SP8: variants seen among roughly 807,000 people sequenced by gnomAD.
SP8 encodes Sp8 transcription factor, also known as transcription factor Sp8.
SP8 carries 7 observed loss-of-function variants against 15.3 expected under a neutral mutation model. The ratio of observed to expected loss-of-function variants is 0.46; its 90% CI spans 0.26 to 0.86. The LOEUF is 0.86. SP8 is among the 40% of genes least tolerant of loss of function. SP8 has a pLI of 0.16. For synonymous variants in SP8, 415 were observed against 356.3 expected, an observed-to-expected ratio of 1.16 and a Z score of -1.86; for missense variants, 731 against 736.4, an observed-to-expected ratio of 0.99 and a Z score of 0.09.
Position 20,785,179 on chromosome 7 carries a change from C to T in SP8, c.638G>A (p.Gly213Asp). Residue 213 changes from glycine (G) to aspartate (D), a missense_variant, in exon 2 of 2, where the codon GGC becomes GAC. Physicochemically the swap from Gly to Asp is moderately conservative, Grantham distance 94. Around this residue, in one of 3 missense-constraint regions of SP8, gnomAD observed 586 missense variants for 524.9 expected, o/e 1.12. Coordinates refer to ENST00000418710, the MANE Select transcript of SP8 (RefSeq NM_182700.6). This position sits in a 1 kb window ranked among gnomAD's most constrained non-coding sequence, Gnocchi z 7.2. The stretch of plus-strand genomic sequence containing the variant: ...GCCCACCTCGCCCGCAGCACCCAGG[C>T]CCGGGTGCGAGGGCTTAAACCACGA... ...YESWFKPSHP[G>D]LGAAGEVGSA... is the part of the protein sequence containing the mutation. The T allele has an allele frequency of 1.3e-6, 2 of 1,598,932 alleles. No homozygotes were observed. The highest frequency in any genetic ancestry group is 1.7e-6 in the Non-Finnish European group (2 of 1,174,366).
chr7:20,782,427 A>T lies in SP8; in HGVS notation c.*1863T>A, dbSNP rs1783524815. On this transcript the variant is annotated 3_prime_UTR_variant, in exon 2 of 2. Coordinates refer to ENST00000418710, the MANE Select transcript of SP8 (RefSeq NM_182700.6). Reference sequence around the variant, plus strand: ...TCCAAATTATTTCAACATTACAATGAGCAATTAGTTTGCAGAATCTGCAAA... The same window carrying T: ...TCCAAATTATTTCAACATTACAATGTGCAATTAGTTTGCAGAATCTGCAAA... The T allele has an allele frequency of 6.5e-6, 1 of 152,690 alleles. No individual in the cohort carries two copies. The allele number at this position is 152,690 out of a possible 1,614,324, so 9.5% of individuals were successfully genotyped here. A position where few individuals can be genotyped will look rare whatever the true frequency, so the allele number is the denominator to read the frequency against.
In SP8 at chr7:20,784,960, G is replaced by C; in HGVS notation, c.857C>G (p.Ser286Cys). 6.4e-7 allele frequency: 1 copy of C among 1,562,728 alleles called. No homozygotes were observed. Among genetic ancestry groups the C allele is most frequent in the Non-Finnish European group, 8.6e-7 (1 of 1,161,354 alleles). ...LSHSAFSSGA[S>C]SHLLSPAGQH... Reference sequence around the variant, plus strand: ...CCCGGCGGGGCTGAGCAGGTGCGAGGAGGCGCCGCTGCTGAAGGCCGAGTG... The same window carrying C: ...CCCGGCGGGGCTGAGCAGGTGCGAGCAGGCGCCGCTGCTGAAGGCCGAGTG... Residue 286 changes from serine to cysteine, a missense_variant, in exon 2 of 2, where the codon TCC (serine) becomes TGC (cysteine). This residue lies in a region of SP8 where 586 missense variants were observed against 524.9 expected (regional missense o/e 1.12). Coordinates refer to ENST00000418710, the MANE Select transcript of SP8 (RefSeq NM_182700.6).
Position 20,784,476 on chromosome 7 carries a change from G to C in SP8, c.1341C>G (p.Asp447Glu). Residue 447 changes from aspartate (D) to glutamate (E), a missense_variant, in exon 2 of 2, where the codon GAC becomes GAG. By Grantham distance (45) the Asp-to-Glu change is conservative. Around this residue, in one of 3 missense-constraint regions of SP8, gnomAD observed 114 missense variants for 111.9 expected, o/e 1.02. Coordinates refer to ENST00000418710, the MANE Select transcript of SP8 (RefSeq NM_182700.6). ...PVCNKRFMRS[D>E]HLSKHVKTHS... is the part of the protein sequence containing the mutation. ...GCGTCTTCACGTGCTTGCTGAGGTG[G>C]TCGCTGCGCATGAAGCGCTTGTTGC... is the stretch of plus-strand genomic sequence containing the variant. 1 of 1,551,372 alleles carries C rather than the reference G, an allele frequency of 6.4e-7. No homozygotes were observed. Among genetic ancestry groups the C allele is most frequent in the Non-Finnish European group, 8.7e-7 (1 of 1,149,036 alleles).
At position 20,786,019 on chromosome 7, in the gene SP8, G is replaced by T. The variant is rs1488079531; in HGVS notation, c.22-224C>A. The T allele has an allele frequency of 2.1e-6, 3 of 1,401,286 alleles. No homozygotes were observed. Among genetic ancestry groups the T allele is most frequent in the Non-Finnish European group, 2.8e-6 (3 of 1,079,770 alleles). The allele number at this position is 1,401,286 out of a possible 1,614,324, so 86.8% of individuals were successfully genotyped here. ...GGAGGGGACAAGTTTGGCTGCCGGC[G>T]TCTGATTCGGGAGCAAGCACCACGC... On this transcript the variant is annotated intron_variant, in intron 1 of 1. Coordinates refer to ENST00000418710, the MANE Select transcript of SP8 (RefSeq NM_182700.6). The surrounding 1 kb of genome is among the most constrained non-coding windows in gnomAD (Gnocchi z 4.4).
chr7:20,785,334 G>C lies in SP8; in HGVS notation c.483C>G (p.Gly161=), dbSNP rs1286474774. Residue 161 remains glycine (G), a synonymous_variant, in exon 2 of 2, where the codon GGC becomes GGG. Coordinates refer to ENST00000418710, the MANE Select transcript of SP8 (RefSeq NM_182700.6). The surrounding 1 kb of genome is among the most constrained non-coding windows in gnomAD (Gnocchi z 7.2). Reference sequence around the variant, plus strand: ...AGTGCGCGGAGGAGCCGCCGCCGCCGCCCCCGCCGCCGCCGCCGCTGCCCC... The same window carrying C: ...AGTGCGCGGAGGAGCCGCCGCCGCCCCCCCCGCCGCCGCCGCCGCTGCCCC... ...VSGGSGGGGG[G]GGGGSSAHSQ... is the part of the protein sequence containing the mutation. 93 of 1,324,658 alleles carry C rather than the reference G, an allele frequency of 7.0e-5. No homozygotes were observed. Among genetic ancestry groups the C allele is most frequent in the Non-Finnish European group, 9.1e-5 (89 of 982,384 alleles). The allele number at this position is 1,324,658 out of a possible 1,614,324, so 82.1% of individuals were successfully genotyped here. A position where few individuals can be genotyped will look rare whatever the true frequency, so the allele number is the denominator to read the frequency against.
In SP8 at chr7:20,784,738, C is replaced by G; in HGVS notation, c.1079G>C (p.Arg360Pro). 6.3e-7 allele frequency: 1 copy of G among 1,590,236 alleles called. No homozygotes were observed. Among genetic ancestry groups the G allele is most frequent in the Non-Finnish European group, 8.5e-7 (1 of 1,172,976 alleles). Residue 360 changes from arginine (R) to proline (P), a missense_variant, in exon 2 of 2, where the codon CGG becomes CCG. Arg to Pro is a moderately radical substitution (Grantham distance 103). This residue lies in a region of SP8 where 586 missense variants were observed against 524.9 expected (regional missense o/e 1.12). Coordinates refer to ENST00000418710, the MANE Select transcript of SP8 (RefSeq NM_182700.6). ...CDCPNCQEAE[R>P]LGPAGASLRR... ...CAAGCTCGCCCCGGCAGGGCCCAGC[C>G]GCTCTGCCTCCTGGCAGTTGGGGCA...
In SP8 at chr7:20,786,820, T is replaced by G; in HGVS notation, c.-22A>C. The G allele has an allele frequency of 6.3e-7, 1 of 1,598,510 alleles. No individual in the cohort carries two copies. The highest frequency in any genetic ancestry group is 8.6e-7 in the Non-Finnish European group (1 of 1,165,776). ...CCATCACACAAAAGTGCCCTCCTCC[T>G]CTCAGAGGATCTTTTTTATATTGAT... On this transcript the variant is annotated 5_prime_UTR_variant, in exon 1 of 2. Coordinates refer to ENST00000418710, the MANE Select transcript of SP8 (RefSeq NM_182700.6). This position sits in a 1 kb window ranked among gnomAD's most constrained non-coding sequence, Gnocchi z 4.4.
At position 20,784,115 on chromosome 7, in the gene SP8, T is replaced by C; in HGVS notation, c.*175A>G. On this transcript the variant is annotated 3_prime_UTR_variant, in exon 2 of 2. Transcript: ENST00000418710. ...GCGATGCGTGTTACTTACTTGTCCA[T>C]ATCCCCTTTACAAAGTTAAGTCACA... 1.7e-6 allele frequency: 1 copy of C among 582,478 alleles called. No homozygotes were observed. Among genetic ancestry groups the C allele is most frequent in the Non-Finnish European group, 2.7e-6 (1 of 367,392 alleles). The allele number at this position is 582,478 out of a possible 1,614,324, so 36.1% of individuals were successfully genotyped here. A position where few individuals can be genotyped will look rare whatever the true frequency, so the allele number is the denominator to read the frequency against.
Position 20,784,177 on chromosome 7 carries a change from C to T in SP8, c.*113G>A. 4 of 961,280 alleles carry T rather than the reference C, an allele frequency of 4.2e-6. No homozygotes were observed. The highest frequency in any genetic ancestry group is 4.3e-6 in the Non-Finnish European group (3 of 703,664). 59.5% of individuals were successfully genotyped at this position (961,280 alleles called of 1,614,324 possible). A position where few individuals can be genotyped will look rare whatever the true frequency, so the allele number is the denominator to read the frequency against. On this transcript the variant is annotated 3_prime_UTR_variant, in exon 2 of 2. Transcript: ENST00000418710. ...GAAGAGGGGCAGAAACAGAAAGAGA[C>T]AGAGAGCGAGTCGGATGCAATAGGG...
In SP8 at chr7:20,784,214, T is replaced by C. The variant is rs1400669606; in HGVS notation, c.*76A>G. 3.9e-6 allele frequency: 5 copies of C among 1,266,446 alleles called. No individual in the cohort carries two copies. In the South Asian group the frequency reaches 7.4e-5, roughly 19 times the overall value. 78.5% of individuals were successfully genotyped at this position (1,266,446 alleles called of 1,614,324 possible). A position where few individuals can be genotyped will look rare whatever the true frequency, so the allele number is the denominator to read the frequency against. On this transcript the variant is annotated 3_prime_UTR_variant, in exon 2 of 2. Transcript: ENST00000418710. Reference sequence around the variant, plus strand: ...CGGATGCAATAGGGAAAGGCTGGAGTTGAAGTCCGGACAGACAGGGCCCAA... The same window carrying C: ...CGGATGCAATAGGGAAAGGCTGGAGCTGAAGTCCGGACAGACAGGGCCCAA...
In SP8 at chr7:20,784,800, G is replaced by A. The variant is rs1271098833; in HGVS notation, c.1017C>T (p.Ser339=). The change falls in exon 2 of 2, where the codon TCC becomes TCT. Residue 339 remains serine, a synonymous_variant. Transcript: ENST00000418710. ...PSAPLGGSPR[S]SARRYSGRAT... ...CGCGGCCGGAGTAGCGGCGAGCTGAGGAGCGCGGGGAGCCCCCCAGCGGCG... is the reference window on the plus strand; with the variant it reads ...CGCGGCCGGAGTAGCGGCGAGCTGAAGAGCGCGGGGAGCCCCCCAGCGGCG... 1 of 1,530,740 alleles carries A rather than the reference G, an allele frequency of 6.5e-7. No individual in the cohort carries two copies. 94.8% of individuals were successfully genotyped at this position (1,530,740 alleles called of 1,614,324 possible).
Position 20,785,620 on chromosome 7 carries a change from C to G in SP8, c.197G>C (p.Gly66Ala). The G allele has an allele frequency of 6.3e-7, 1 of 1,599,276 alleles. No individual in the cohort carries two copies. The highest frequency in any genetic ancestry group is 8.5e-7 in the Non-Finnish European group (1 of 1,170,852). ...SSSSASCNVV[G>A]SSLSSFGVSG... The stretch of plus-strand genomic sequence containing the variant: ...CACGCCGAAGCTTGAGAGACTGGAA[C>G]CCACTACGTTGCAGCTGGCGGAAGA... Residue 66 changes from glycine (G) to alanine (A), a missense_variant, in exon 2 of 2, where the codon GGT (glycine) becomes GCT (alanine). Gly to Ala is a moderately conservative substitution (Grantham distance 60). This residue lies in a region of SP8 where 586 missense variants were observed against 524.9 expected (regional missense o/e 1.12). Transcript: ENST00000418710. The surrounding 1 kb of genome is among the most constrained non-coding windows in gnomAD (Gnocchi z 7.2).
In SP8 at chr7:20,786,855, GC is replaced by G; in HGVS notation, c.-58del. The G allele has an allele frequency of 6.9e-7, 1 of 1,444,056 alleles. No homozygotes were observed. The highest frequency in any genetic ancestry group is 9.8e-7 in the Non-Finnish European group (1 of 1,024,620). The allele number at this position is 1,444,056 out of a possible 1,614,324, so 89.5% of individuals were successfully genotyped here. On this transcript the variant is annotated 5_prime_UTR_variant, in exon 1 of 2. Transcript: ENST00000418710. The surrounding 1 kb of genome is among the most constrained non-coding windows in gnomAD (Gnocchi z 4.4). Reference sequence around the variant, plus strand: ...TCTTTTTTATATTGATAAATCAGAGGCAGTGTTTTTTTTAGAGGTGTGCAAT... The same window carrying G: ...TCTTTTTTATATTGATAAATCAGAGGAGTGTTTTTTTTAGAGGTGTGCAAT...
rs2128063870 is a variant in SP8 at position 20,785,563 on chromosome 7, G to A, written c.254C>T (p.Ser85Leu). The change falls in exon 2 of 2, where the codon TCG becomes TTG. Residue 85 changes from serine to leucine, a missense_variant. Coordinates refer to ENST00000418710, the MANE Select transcript of SP8 (RefSeq NM_182700.6). This position sits in a 1 kb window ranked among gnomAD's most constrained non-coding sequence, Gnocchi z 7.2. ...SGASRNGGSS[S>L]AAAAAAAAAA... ...TGCTGCCGCGGCCGCCGCAGCCGCC[G>A]AGGACGAGCCGCCGTTCCTGGAGGC... The A allele has an allele frequency of 7.4e-7, 1 of 1,352,518 alleles. No individual in the cohort carries two copies. Among genetic ancestry groups the A allele is most frequent in the Non-Finnish European group, 9.8e-7 (1 of 1,019,470 alleles). The allele number at this position is 1,352,518 out of a possible 1,614,324, so 83.8% of individuals were successfully genotyped here. A position where few individuals can be genotyped will look rare whatever the true frequency, so the allele number is the denominator to read the frequency against.
At position 20,785,148 on chromosome 7, in the gene SP8, G is replaced by A; in HGVS notation, c.669C>T (p.Ala223=). The A allele has an allele frequency of 2.5e-6, 4 of 1,592,852 alleles. No homozygotes were observed. The highest frequency in any genetic ancestry group is 1.1e-5 in the South Asian group (1 of 88,914). The change falls in exon 2 of 2, where the codon GCC becomes GCT. Residue 223 remains alanine, a synonymous_variant. Transcript: ENST00000418710. This position sits in a 1 kb window ranked among gnomAD's most constrained non-coding sequence, Gnocchi z 7.2. ...GLGAAGEVGS[A]GASSWWDVGA... The stretch of plus-strand genomic sequence containing the variant: ...CCACGTCCCACCAGCTGGAGGCGCC[G>A]GCCGAGCCCACCTCGCCCGCAGCAC...
rs762907472 is a variant in SP8, at chr7:20,785,293, T to G, written c.524A>C (p.His175Pro). ...GSSAHSQDGS[H>P]QPVFISKVHT... ...CACCTTGGAGATGAACACCGGCTGG[T>G]GGGAGCCGTCCTGCGAGTGCGCGGA... The change falls in exon 2 of 2, where the codon CAC (histidine) becomes CCC (proline). Residue 175 changes from histidine to proline, a missense_variant. His to Pro is a moderately conservative substitution (Grantham distance 77). Coordinates refer to ENST00000418710, the MANE Select transcript of SP8 (RefSeq NM_182700.6). This position sits in a 1 kb window ranked among gnomAD's most constrained non-coding sequence, Gnocchi z 7.2. 1.3e-6 allele frequency: 2 copies of G among 1,553,796 alleles called. No homozygotes were observed. The highest frequency in any genetic ancestry group is 1.9e-5 in the Admixed American group (1 of 52,490).
rs1783541735 is a variant in SP8 at position 20,783,061 on chromosome 7, C to T, written c.*1229G>A. 1 of 152,362 alleles carries T rather than the reference C, an allele frequency of 6.6e-6. No individual in the cohort carries two copies. The highest frequency in any genetic ancestry group is 2.4e-5 in the African/African-American group (1 of 41,436). 9.4% of individuals were successfully genotyped at this position (152,362 alleles called of 1,614,324 possible). A position where few individuals can be genotyped will look rare whatever the true frequency, so the allele number is the denominator to read the frequency against. On this transcript the variant is annotated 3_prime_UTR_variant, in exon 2 of 2. Coordinates refer to ENST00000418710, the MANE Select transcript of SP8 (RefSeq NM_182700.6). Reference sequence around the variant, plus strand: ...TTACAAAGGTTCTTTTTTATTTTCCCTCTTTTGGTATTTAAACTACAGCCT... The same window carrying T: ...TTACAAAGGTTCTTTTTTATTTTCCTTCTTTTGGTATTTAAACTACAGCCT...
Position 20,785,652 on chromosome 7 carries a change from C to T in SP8, c.165G>A (p.Ser55=), listed in dbSNP as rs145875827. ...CGTTGCAGCTGGCGGAAGAAGAGGA[C>T]GAGGAGCGTTTCCAGGGGTGGAAGC... is the stretch of plus-strand genomic sequence containing the variant. ...GKGFHPWKRS[S]SSSSASCNVV... Residue 55 remains serine (S), a synonymous_variant, in exon 2 of 2, where the codon TCG becomes TCA. Transcript: ENST00000418710. This position sits in a 1 kb window ranked among gnomAD's most constrained non-coding sequence, Gnocchi z 7.2. 1.8e-4 allele frequency: 287 copies of T among 1,613,540 alleles called. 1 individual carries two copies. The highest frequency in any genetic ancestry group is 2.2e-4 in the Non-Finnish European group (264 of 1,179,924).
Position 20,784,524 on chromosome 7 carries a change from C to T in SP8, c.1293G>A (p.Glu431=). The stretch of plus-strand genomic sequence containing the variant: ...TGCAAACTGGACAGGCGAAGCGCTT[C>T]TCGCCGGTGTGGGTCCGCAGGTGCC... The part of the protein sequence containing the change: ...LQRHLRTHTG[E]KRFACPVCNK... Residue 431 remains glutamate, a synonymous_variant, in exon 2 of 2, where the codon GAG becomes GAA. Transcript: ENST00000418710. The T allele has an allele frequency of 6.4e-7, 1 of 1,574,110 alleles. No individual in the cohort carries two copies.
Sources: allele counts gnomAD v4.1 joint callset, GRCh38; gene constraint gnomAD v4.1.1; regional missense constraint gnomAD v4.1.1; non-coding constraint Gnocchi (gnomAD v3.1); transcripts MANE v1.5; gene names NCBI Gene and HGNC (gene_info 2026-07-23, HGNC 2026-07-21).